The following CORO2B variants were observed in gnomAD, a reference collection of about 807,000 sequenced individuals.
The protein encoded by CORO2B is coronin-2B.
In CORO2B, 26 loss-of-function variants were observed where a neutral mutation model predicts 58.8. That is an observed-to-expected ratio of 0.44 (90% confidence interval 0.32 to 0.61). The LOEUF (loss-of-function observed/expected upper bound fraction) is 0.61. CORO2B is among the 20% of genes least tolerant of loss of function. CORO2B has a pLI of 0.04. For missense variants in CORO2B, 460 were observed against 645.1 expected (o/e 0.71, Z 3.11); for synonymous variants, 242 against 253.8 (o/e 0.95, Z 0.44).
At chr15:68,565,604 C>A in the CORO2B span, among the ~76,000 whole-genome samples, 4 of 151,898 alleles carry the variant, frequency 2.6e-5, no homozygotes, top group Admixed American at 2.6e-4. Context: ...CATTTGTTTT[C>A]TTTCTTTTAT....
At chr15:68,638,285 G>A (rs940185071) in intron 1 of CORO2B, among the ~76,000 whole-genome samples, 1 of 151,904 alleles carries the variant, frequency 6.6e-6, no homozygotes, top group Non-Finnish European at 1.5e-5. Context: ...TGAAGTCAGA[G>A]ACTCCCTCAC....
intron 1 of CORO2B, among the ~76,000 whole-genome samples, chr15:68,610,095 C>T (rs994826317): frequency 7.2e-5 from 11 of 152,234 alleles, no homozygotes; most frequent in African/African-American, 9.6e-5. Flanking sequence ...AGGTGAATAT[C>T]GCTGAGCTCC....
At chr15:68,675,872 C>A (rs1337643104) in intron 2 of CORO2B, among the ~76,000 whole-genome samples, 1 of 152,016 alleles carries the variant, frequency 6.6e-6, no homozygotes, top group Non-Finnish European at 1.5e-5. Context: ...ACAAAACAGA[C>A]AAAAACCCCA....
chr15:68,714,127 G>A (rs1892979813), intron 6 of CORO2B, 86 bp downstream of exon 6: 13 of 837,286 alleles, frequency 1.6e-5, no homozygotes, highest in Non-Finnish European at 2.0e-5. Context: ...CAGGAGCCTG[G>A]GCCCGCACAC....
intron 1 of CORO2B, among the ~76,000 whole-genome samples, chr15:68,638,898 C>A (rs1275582212): frequency 6.6e-6 from 1 of 152,208 alleles, no homozygotes; most frequent in African/African-American, 2.4e-5. Flanking sequence ...CAGGCACTGG[C>A]CCCTTGCTGA....
At chr15:68,704,043 C>A (rs12898306) in intron 3 of CORO2B, among the ~76,000 whole-genome samples, 6,864 of 26,292 alleles carry the variant, frequency 0.26, 261 homozygotes, top group Non-Finnish European at 0.35. Flanking sequence ...CACACATACA[C>A]ACACACACAC....
chr15:68,583,870 G>A (rs1328551400), intron 1 of CORO2B, among the ~76,000 whole-genome samples: 2 of 152,202 alleles, frequency 1.3e-5, no homozygotes, highest in Non-Finnish European at 2.9e-5. Flanking sequence ...GCTCCCGGGT[G>A]GGAGCCCACT....
intron 1 of CORO2B, among the ~76,000 whole-genome samples, chr15:68,591,320 G>A (rs963514958): frequency 3.3e-5 from 5 of 152,240 alleles, no homozygotes; most frequent in Non-Finnish European, 5.9e-5. Flanking sequence ...TGAGCGGGCA[G>A]CGTGAACAAA....
chr15:68,644,747 A>G (rs2140272427), intron 1 of CORO2B, among the ~76,000 whole-genome samples: 1 of 152,242 alleles, frequency 6.6e-6, no homozygotes, highest in East Asian at 1.9e-4. Context: ...CTTGGTAAAC[A>G]CTGGCCTCTG....
At chr15:68,675,152 C>T (rs1902533561) in intron 2 of CORO2B, among the ~76,000 whole-genome samples, 1 of 152,212 alleles carries the variant, frequency 6.6e-6, no homozygotes, top group Non-Finnish European at 1.5e-5. Context: ...AGAAGGTAAT[C>T]TGAAGAAGGC....
At chr15:68,718,206 A>AT (rs1257550010) in intron 8 of CORO2B, among the ~76,000 whole-genome samples, 2 of 152,208 alleles carry the variant, frequency 1.3e-5, no homozygotes, top group African/African-American at 4.8e-5. Context: ...ACAGAACAGC[A>AT]ATCTTAGGCT....
chr15:68,601,322 A>T (rs904278094), intron 1 of CORO2B, among the ~76,000 whole-genome samples: 3 of 152,180 alleles, frequency 2.0e-5, no homozygotes, highest in Non-Finnish European at 4.4e-5. Context: ...TGGGGTTGGC[A>T]GCACTGGGAG....
intron 2 of CORO2B, among the ~76,000 whole-genome samples, chr15:68,691,377 G>A (rs1596017437): frequency 6.6e-5 from 1 of 15,094 alleles, no homozygotes; most frequent in African/African-American, 9.2e-5. Context: ...TGTAATCCCA[G>A]CACTTTGGGA....
At chr15:68,695,337 C>A in intron 3 of CORO2B, 81 bp downstream of exon 3, 1 of 958,930 alleles carries the variant, frequency 1.0e-6, no homozygotes, top group Non-Finnish European at 1.7e-6. Flanking sequence ...CCTACCCTCC[C>A]CTCCTCCACC....
chr15:68,561,493 G>A, the CORO2B span, among the ~76,000 whole-genome samples: 1 of 152,174 alleles, frequency 6.6e-6, no homozygotes, highest in South Asian at 2.1e-4. Flanking sequence ...CAGCGGGACA[G>A]GTAGAGGGTC....
chr15:68,579,056 ACAT>A lies in CORO2B; in HGVS notation c.-204_-202del. 2 of 983,818 alleles carry A rather than the reference ACAT, an allele frequency of 2.0e-6. No homozygotes were observed. The highest frequency in any genetic ancestry group is 1.8e-5 in the African/African-American group (1 of 56,914). 60.9% of individuals were successfully genotyped at this position (983,818 alleles called of 1,614,324 possible). On this transcript the variant is annotated 5_prime_UTR_variant, in exon 1 of 12. Transcript: ENST00000261861. ...TATTATAAATGCACATTCGGGGCTG[ACAT>A]CAGCGACGAGCGGCGGGCGAGCGCC... is the stretch of plus-strand genomic sequence containing the variant.
the CORO2B span, among the ~76,000 whole-genome samples, chr15:68,555,169 G>A: frequency 6.6e-6 from 1 of 152,184 alleles, no homozygotes; most frequent in Non-Finnish European, 1.5e-5. Context: ...TGAATGAGGA[G>A]GTGTGATGCT....
At chr15:68,587,853 G>A (rs755347536) in intron 1 of CORO2B, among the ~76,000 whole-genome samples, 4 of 152,164 alleles carry the variant, frequency 2.6e-5, no homozygotes, top group African/African-American at 9.7e-5. Context: ...AGCCTGCCTC[G>A]CAGGCCTTCT....
intron 2 of CORO2B, among the ~76,000 whole-genome samples, chr15:68,664,373 C>T (rs987481833): frequency 3.3e-5 from 5 of 152,084 alleles, no homozygotes; most frequent in African/African-American, 7.2e-5. Context: ...ATTGGCGGGG[C>T]ATGGTGGCTC....
Sources: gnomAD v4.1 joint callset for allele counts (sites outside exome capture counted in the v4.1 genomes callset) on GRCh38, gnomAD v4.1.1 for gene constraint, MANE v1.5 for transcripts, NCBI Gene and HGNC (gene_info 2026-07-23, HGNC 2026-07-21) for gene names.